Variants in DACH2 observed in about 807,000 individuals in gnomAD.
The protein encoded by DACH2 is dachshund homolog 2.
DACH2 carries 17 observed loss-of-function variants against 35.8 expected under a neutral mutation model. The ratio of observed to expected loss-of-function variants is 0.48; its 90% CI spans 0.33 to 0.71. The LOEUF (loss-of-function observed/expected upper bound fraction) is 0.71. DACH2 is among the 30% of genes least tolerant of loss of function. The pLI is 0.02. For missense variants in DACH2, 469 were observed against 472.7 expected (o/e 0.99, Z 0.07); for synonymous variants, 195 against 177.3 (o/e 1.10, Z -0.79).
Position 86,653,271 on chromosome X carries a change from T to C in DACH2, c.772+2104T>C, listed in dbSNP as rs143418727. On this transcript the variant is annotated intron_variant, in intron 4 of 11. Coordinates refer to ENST00000373125, the MANE Select transcript of DACH2 (RefSeq NM_053281.3). ...TGTGACTTTATTTCTGGGTTAGCTA[T>C]TCTGTAACATTGGTCTAGTGTTTGT... 3.8e-3 allele frequency among the ~76,000 whole-genome samples: 421 copies of C among 112,259 alleles called. 2 individuals are homozygous for C. The highest frequency in any genetic ancestry group is 0.013 in the African/African-American group (408 of 30,912).
chrX:86,774,947 C>A (rs1312295265), intron 7 of DACH2, among the ~76,000 whole-genome samples: 1 of 111,072 alleles, frequency 9.0e-6, no homozygotes, highest in Non-Finnish European at 1.9e-5. Flanking sequence ...AAAACATAAT[C>A]AACAAATGAT....
At chrX:86,243,427 G>A (rs1034593608) in intron 1 of DACH2, among the ~76,000 whole-genome samples, 2 of 111,618 alleles carry the variant, frequency 1.8e-5, no homozygotes, top group African/African-American at 6.5e-5. Flanking sequence ...ACATCATTTT[G>A]TAAACCTCAG....
intron 4 of DACH2, among the ~76,000 whole-genome samples, chrX:86,691,939 TG>T (rs1379419429): frequency 2.7e-5 from 3 of 111,723 alleles, no homozygotes; most frequent in Non-Finnish European, 5.6e-5. Context: ...TTAAGGGCAA[TG>T]GGTATTACTG....
chrX:86,527,457 T>G (rs940987336), intron 3 of DACH2, among the ~76,000 whole-genome samples: 1 of 112,555 alleles, frequency 8.9e-6, no homozygotes, highest in Admixed American at 9.4e-5. Context: ...GAATGCACTA[T>G]TTTTTGTCTG....
At chrX:86,424,780 G>A (rs777969340) in intron 2 of DACH2, among the ~76,000 whole-genome samples, 12 of 111,090 alleles carry the variant, frequency 1.1e-4, no homozygotes, top group African/African-American at 2.6e-4. Context: ...AAAGGCTTTC[G>A]GTTTTTCCCC....
intron 2 of DACH2, among the ~76,000 whole-genome samples, chrX:86,405,260 A>G (rs1223318889): frequency 8.9e-6 from 1 of 111,870 alleles, no homozygotes; most frequent in Non-Finnish European, 1.9e-5. Flanking sequence ...TTTCTTGTCT[A>G]ACACATCATC....
At chrX:86,462,073 G>C (rs752232805) in intron 2 of DACH2, among the ~76,000 whole-genome samples, 1 of 110,760 alleles carries the variant, frequency 9.0e-6, no homozygotes, top group African/African-American at 3.3e-5. Flanking sequence ...GTCACTGAAG[G>C]GTTACCATCT....
chrX:86,636,624 C>T (rs1292759200), intron 3 of DACH2, among the ~76,000 whole-genome samples: 2 of 111,252 alleles, frequency 1.8e-5, no homozygotes. Context: ...ACTGCCTATT[C>T]AATAAATGAT....
intron 1 of DACH2, among the ~76,000 whole-genome samples, chrX:86,275,510 A>G (rs2033901044): frequency 9.0e-6 from 1 of 111,721 alleles, no homozygotes; most frequent in Non-Finnish European, 1.9e-5. Flanking sequence ...AAGGAGAATG[A>G]GGTGTCCATC....
chrX:86,343,297 G>A (rs1007128283), intron 1 of DACH2, among the ~76,000 whole-genome samples: 9 of 111,459 alleles, frequency 8.1e-5, no homozygotes, highest in African/African-American at 1.3e-4. Context: ...ACAAGTTATC[G>A]AAAGTGGTTG....
chrX:86,393,898 A>C (rs2036239115), intron 2 of DACH2, among the ~76,000 whole-genome samples: 1 of 110,323 alleles, frequency 9.1e-6, no homozygotes, highest in African/African-American at 3.3e-5. Flanking sequence ...TCTTTATCCC[A>C]GTGTTGGACA....
At chrX:86,395,995 G>C (rs1421534244) in intron 2 of DACH2, among the ~76,000 whole-genome samples, 5 of 111,654 alleles carry the variant, frequency 4.5e-5, no homozygotes, top group Non-Finnish European at 7.5e-5. Flanking sequence ...CTAGTTTACA[G>C]TCCCACCAAC....
intron 4 of DACH2, among the ~76,000 whole-genome samples, chrX:86,683,603 T>C (rs931041366): frequency 8.9e-6 from 1 of 111,764 alleles, no homozygotes; most frequent in African/African-American, 3.2e-5. Flanking sequence ...TTCCTTTAAT[T>C]CTTGGGGTCA....
intron 3 of DACH2, among the ~76,000 whole-genome samples, chrX:86,516,118 A>C (rs1169953464): frequency 8.9e-6 from 1 of 111,929 alleles, no homozygotes; most frequent in East Asian, 2.8e-4. Context: ...ATGAATTTTC[A>C]ACTTTAAATA....
chrX:86,587,333 A>G (rs754174849), intron 3 of DACH2, among the ~76,000 whole-genome samples: 1 of 111,745 alleles, frequency 8.9e-6, no homozygotes, highest in East Asian at 2.8e-4. Context: ...GGGGTCTTAT[A>G]GATATAGCAT....
At chrX:86,467,493 G>A (rs1423774184) in intron 2 of DACH2, among the ~76,000 whole-genome samples, 1 of 111,351 alleles carries the variant, frequency 9.0e-6, no homozygotes. Flanking sequence ...TGTTTTCTGA[G>A]CCCTCCAAGT....
chrX:86,445,563 G>GAAAAAAA (rs1180782349), intron 2 of DACH2, among the ~76,000 whole-genome samples: 4 of 11,939 alleles, frequency 3.4e-4, no homozygotes, highest in African/African-American at 1.8e-3. Context: ...CCATCAGAGT[G>GAAAAAAA]AACAAAAAAA....
At chrX:86,221,623 A>G (rs955754795) in intron 1 of DACH2, among the ~76,000 whole-genome samples, 1 of 111,976 alleles carries the variant, frequency 8.9e-6, no homozygotes, top group Non-Finnish European at 1.9e-5. Flanking sequence ...TGGGTGTAAC[A>G]TTAAATCTCT....
chrX:86,315,705 C>A (rs1297106342), intron 1 of DACH2, among the ~76,000 whole-genome samples: 1 of 108,990 alleles, frequency 9.2e-6, no homozygotes, highest in Admixed American at 9.9e-5. Flanking sequence ...GAAGATGTAA[C>A]TGCAGATGTA....
Sources: gnomAD v4.1 joint callset for allele counts (sites outside exome capture counted in the v4.1 genomes callset) on GRCh38, gnomAD v4.1.1 for gene constraint, MANE v1.5 for transcripts, NCBI Gene and HGNC (gene_info 2026-07-23, HGNC 2026-07-21) for gene names.